The following LUZP2 variants were observed in gnomAD, a reference collection of about 807,000 sequenced individuals.
LUZP2 encodes the protein leucine zipper protein 2.
A neutral mutation model predicts 51.6 loss-of-function variants in LUZP2; 52 were observed. That is an observed-to-expected ratio of 1.01 (90% confidence interval 0.81 to 1.27). LUZP2 has a LOEUF of 1.27. Ranked by LOEUF, LUZP2 falls within the 50% of genes most tolerant of loss-of-function variation. The probability of loss-of-function intolerance (pLI) is 0.00; values close to 1 mark genes in which losing one functional copy is unlikely to be tolerated. For synonymous variants in LUZP2, 154 were observed against 137.3 expected, an observed-to-expected ratio of 1.12 and a Z score of -0.85; for missense variants, 436 against 395.4, an observed-to-expected ratio of 1.10 and a Z score of -0.87.
rs968044919 is a variant in LUZP2, at chr11:24,525,961, G to C, written c.62+28656G>C. On this transcript the variant is annotated intron_variant, in intron 1 of 11. Coordinates refer to ENST00000336930, the MANE Select transcript of LUZP2 (RefSeq NM_001009909.4). ...ATTTTGCTTTTGTGATACATCTATA[G>C]AATATTCTTCTTATAATCCATGATT... Among the ~76,000 whole-genome samples, 6 of 151,242 alleles carry C rather than the reference G, an allele frequency of 4.0e-5. No individual in the cohort carries two copies. In the Admixed American group the frequency reaches 4.0e-4, roughly 10 times the overall value.
intron 1 of LUZP2, among the ~76,000 whole-genome samples, chr11:24,715,108 T>C (rs532648926): frequency 6.6e-6 from 1 of 152,214 alleles, no homozygotes; most frequent in South Asian, 2.1e-4. Context: ...TATCTGGGCG[T>C]AAGTGGACAG....
At chr11:24,588,109 A>C (rs761049852) in intron 1 of LUZP2, among the ~76,000 whole-genome samples, 1 of 152,042 alleles carries the variant, frequency 6.6e-6, no homozygotes, top group Non-Finnish European at 1.5e-5. Context: ...ATCTATTTAC[A>C]TCTTTGTTCT....
chr11:24,814,015 G>T (rs927129538), intron 5 of LUZP2, among the ~76,000 whole-genome samples: 1 of 152,220 alleles, frequency 6.6e-6, no homozygotes, highest in African/African-American at 2.4e-5. Flanking sequence ...AAAGCACTTG[G>T]CACAGTGCCT....
chr11:24,917,106 G>A (rs1161847798), intron 7 of LUZP2, among the ~76,000 whole-genome samples: 1 of 152,116 alleles, frequency 6.6e-6, no homozygotes. Flanking sequence ...ATTTTTTCAT[G>A]TGTCTGTTGG....
intron 5 of LUZP2, among the ~76,000 whole-genome samples, chr11:24,833,049 T>G (rs982105410): frequency 1.3e-5 from 2 of 152,190 alleles, no homozygotes; most frequent in Admixed American, 1.3e-4. Context: ...AATTAAGCAG[T>G]TGATGAAGGG....
intron 5 of LUZP2, among the ~76,000 whole-genome samples, chr11:24,795,058 C>A (rs1434499021): frequency 6.6e-6 from 1 of 152,020 alleles, no homozygotes; most frequent in Non-Finnish European, 1.5e-5. Context: ...ACTTCTTAAC[C>A]CATTTCACTT....
chr11:24,846,141 A>G (rs1276412858), intron 5 of LUZP2, among the ~76,000 whole-genome samples: 1 of 148,808 alleles, frequency 6.7e-6, no homozygotes, highest in Non-Finnish European at 1.5e-5. Context: ...GATACAAAAG[A>G]AAAAAAAAAC....
chr11:25,060,207 T>G (rs550921988), intron 10 of LUZP2, among the ~76,000 whole-genome samples: 5 of 152,272 alleles, frequency 3.3e-5, no homozygotes, highest in Admixed American at 1.3e-4. Context: ...GGTTTATAAA[T>G]AATAGAAAAT....
intron 4 of LUZP2, among the ~76,000 whole-genome samples, chr11:24,738,878 G>A (rs1345144346): frequency 1.3e-5 from 2 of 152,080 alleles, no homozygotes; most frequent in African/African-American, 4.8e-5. Context: ...CCACAGGCAG[G>A]AGGGATGGTG....
chr11:25,055,222 G>A (rs1028020845), intron 10 of LUZP2, among the ~76,000 whole-genome samples: 1 of 151,728 alleles, frequency 6.6e-6, no homozygotes, highest in African/African-American at 2.4e-5. Context: ...TGCTGGCCAG[G>A]ATGGTCTCGA....
At chr11:25,044,251 GTGTGTGTATATATATATA>G (rs71044329) in intron 9 of LUZP2, among the ~76,000 whole-genome samples, 51,323 of 117,006 alleles carry the variant, frequency 0.44, 11,182 homozygotes, top group Non-Finnish European at 0.51. Flanking sequence ...GTGTGTGTGT[GTGTGTGTATATATATATA>G]TATATATATA....
intron 9 of LUZP2, among the ~76,000 whole-genome samples, chr11:25,044,064 C>A (rs553652580): frequency 0.11 from 118 of 1,114 alleles, 1 homozygote; most frequent in African/African-American, 0.2. Flanking sequence ...TATATAGAGT[C>A]TATATATATC....
At chr11:24,570,928 G>A (rs1421950777) in intron 1 of LUZP2, among the ~76,000 whole-genome samples, 1 of 151,940 alleles carries the variant, frequency 6.6e-6, no homozygotes, top group African/African-American at 2.4e-5. Flanking sequence ...GAAATGAAGG[G>A]TAATATGGAA....
chr11:24,764,490 TA>T (rs869045272), intron 5 of LUZP2, among the ~76,000 whole-genome samples: 84 of 94,028 alleles, frequency 8.9e-4, no homozygotes, highest in Middle Eastern at 6.4e-3. Flanking sequence ...ATCTCATCTC[TA>T]AAAAAAAAAA....
At chr11:24,569,651 T>A (rs553660349) in intron 1 of LUZP2, among the ~76,000 whole-genome samples, 1 of 151,172 alleles carries the variant, frequency 6.6e-6, no homozygotes. Flanking sequence ...ATGCTGATCA[T>A]AGACATATTT....
intron 7 of LUZP2, among the ~76,000 whole-genome samples, chr11:24,938,899 T>C (rs1436048518): frequency 2.0e-5 from 3 of 152,170 alleles, no homozygotes; most frequent in African/African-American, 7.2e-5. Flanking sequence ...AAAGCACCTG[T>C]ATATCTTGTT....
At chr11:24,778,512 A>G (rs1486702) in intron 5 of LUZP2, among the ~76,000 whole-genome samples, 109,879 of 152,024 alleles carry the variant, frequency 0.72, 40,215 homozygotes, top group East Asian at 0.86. Context: ...GATTAGAACC[A>G]GCTAAAACTT....
chr11:25,061,459 C>T (rs1858834687), intron 10 of LUZP2, among the ~76,000 whole-genome samples: 1 of 152,126 alleles, frequency 6.6e-6, no homozygotes, highest in Admixed American at 6.6e-5. Flanking sequence ...GCTTATCCCA[C>T]TTTATAATTT....
At chr11:24,696,822 A>C (rs1266734374) in intron 1 of LUZP2, among the ~76,000 whole-genome samples, 1 of 152,076 alleles carries the variant, frequency 6.6e-6, no homozygotes, top group Non-Finnish European at 1.5e-5. Context: ...AAAAAAAAAC[A>C]TGAGATTGGG....
Sources: gnomAD v4.1 joint callset for allele counts (sites outside exome capture counted in the v4.1 genomes callset) on GRCh38, gnomAD v4.1.1 for gene constraint, MANE v1.5 for transcripts, NCBI Gene and HGNC (gene_info 2026-07-23, HGNC 2026-07-21) for gene names.